Variants in TCF4 observed in about 807,000 individuals in gnomAD.
TCF4 encodes transcription factor 4.
A neutral mutation model predicts 82.1 loss-of-function variants in TCF4; 3 were observed. The ratio of observed to expected loss-of-function variants is 0.04; its 90% CI spans 0.02 to 0.09. TCF4 has a LOEUF of 0.09. Ranked by LOEUF, TCF4 falls within the 10% of genes least tolerant of loss-of-function variation. The pLI is 1.00. For missense variants in TCF4, 518 were observed against 852.7 expected (o/e 0.61, Z 4.89); for synonymous variants, 276 against 309.6 (o/e 0.89, Z 1.14).
In TCF4 at chr18:55,261,543, CA is replaced by C; in HGVS notation, c.923-11del. On this transcript the variant is annotated splice_polypyrimidine_tract_variant and intron_variant, in intron 11 of 19. Transcript: ENST00000354452. Reference sequence around the variant, plus strand: ...CCGCTTCCTCTATTTGCTGCAAAAACAAAAGGCAGAATATGAAAACCAGGCA... The same window carrying C: ...CCGCTTCCTCTATTTGCTGCAAAAACAAAGGCAGAATATGAAAACCAGGCA... 4 of 1,613,850 alleles carry C rather than the reference CA, an allele frequency of 2.5e-6. No individual in the cohort carries two copies. The highest frequency in any genetic ancestry group is 3.4e-6 in the Non-Finnish European group (4 of 1,179,802).
intron 9 of TCF4, among the ~76,000 whole-genome samples, chr18:55,276,541 C>A (rs189468555): frequency 6.6e-6 from 1 of 152,238 alleles, no homozygotes; most frequent in East Asian, 1.9e-4. Context: ...AACATCCCTA[C>A]GGATTTTTTC....
intron 3 of TCF4, among the ~76,000 whole-genome samples, chr18:55,582,014 A>G (rs534578069): frequency 6.6e-6 from 1 of 152,250 alleles, no homozygotes; most frequent in East Asian, 1.9e-4. Flanking sequence ...CTGATCTAAC[A>G]AGTTCTTTAG....
intron 6 of TCF4, among the ~76,000 whole-genome samples, chr18:55,396,215 T>TAA (rs1010648242): frequency 1.3e-5 from 2 of 152,178 alleles, no homozygotes; most frequent in African/African-American, 4.8e-5. Context: ...CAAAACATCT[T>TAA]AGAGTTCAGA....
chr18:55,501,190 A>G (rs559855624), intron 3 of TCF4, among the ~76,000 whole-genome samples: 1 of 152,194 alleles, frequency 6.6e-6, no homozygotes, highest in South Asian at 2.1e-4. Flanking sequence ...CAAAAAAGCC[A>G]TATTTTCATG....
chr18:55,588,494 T>G, upstream of TCF4: 1 of 1,535,272 alleles, frequency 6.5e-7, no homozygotes, highest in Non-Finnish European at 8.7e-7. Flanking sequence ...GATCGTCAGT[T>G]ACAATCTGAA....
upstream of TCF4, chr18:55,589,808 A>C (rs929716234): frequency 1.2e-5 from 12 of 1,008,046 alleles, no homozygotes; most frequent in Non-Finnish European, 1.3e-5. Context: ...GGGCTTATAA[A>C]GAGAAGGAGC....
At chr18:55,427,938 A>G (rs2095053542) in intron 5 of TCF4, among the ~76,000 whole-genome samples, 1 of 152,236 alleles carries the variant, frequency 6.6e-6, no homozygotes, top group Non-Finnish European at 1.5e-5. Context: ...CTCTGTCTTC[A>G]GGAAACTGAT....
At chr18:55,348,708 C>T (rs1195182365) in intron 8 of TCF4, among the ~76,000 whole-genome samples, 7 of 152,182 alleles carry the variant, frequency 4.6e-5, no homozygotes, top group Non-Finnish European at 8.8e-5. Flanking sequence ...TCCAATGCCA[C>T]ACCAATGCAC....
chr18:55,374,231 A>G lies in TCF4; in HGVS notation c.370-23228T>C, dbSNP rs138669216. ...AAATTAAATGAACAAAACATACAAT[A>G]TAAAAAGCTAGAAAAAGTGCAACAT... On this transcript the variant is annotated intron_variant, in intron 6 of 19. Transcript: ENST00000354452. Among the ~76,000 whole-genome samples the G allele has an allele frequency of 3.3e-5, 5 of 152,148 alleles. No individual in the cohort carries two copies. The East Asian group carries it at 9.6e-4, about 29-fold the overall frequency.
intron 6 of TCF4, among the ~76,000 whole-genome samples, chr18:55,355,423 T>C (rs911368876): frequency 2.0e-5 from 3 of 152,182 alleles, no homozygotes; most frequent in Non-Finnish European, 2.9e-5. Context: ...TGTCGAATAG[T>C]TGCTGCTGAA....
At chr18:55,529,424 T>C (rs1421365796) in intron 3 of TCF4, among the ~76,000 whole-genome samples, 2 of 152,180 alleles carry the variant, frequency 1.3e-5, no homozygotes, top group Non-Finnish European at 2.9e-5. Flanking sequence ...AATCTCTGAC[T>C]TTTATTTTTC....
rs116213471 is a variant in TCF4 at position 55,336,393 on chromosome 18, C to A, written c.549+13966G>T. Among the ~76,000 whole-genome samples the A allele has an allele frequency of 2.9e-3, 442 of 152,044 alleles. 4 individuals are homozygous for A. The highest frequency in any genetic ancestry group is 1.0e-2 in the African/African-American group (414 of 41,488). Reference sequence around the variant, plus strand: ...AGGCAAAAGCCCATCAGCTACTAACCATGTGCACGTGGGTCATTTTATGAT... The same window carrying A: ...AGGCAAAAGCCCATCAGCTACTAACAATGTGCACGTGGGTCATTTTATGAT... On this transcript the variant is annotated intron_variant, in intron 8 of 19. Coordinates refer to ENST00000354452, the MANE Select transcript of TCF4 (RefSeq NM_001083962.2).
chr18:55,578,939 A>G (rs1285900683), intron 3 of TCF4, among the ~76,000 whole-genome samples: 1 of 152,008 alleles, frequency 6.6e-6, no homozygotes, highest in East Asian at 1.9e-4. Context: ...ACTTTCTTAC[A>G]GCCCTGAAAT....
At chr18:55,247,355 G>T (rs1161382250) in intron 15 of TCF4, among the ~76,000 whole-genome samples, 2 of 152,154 alleles carry the variant, frequency 1.3e-5, no homozygotes, top group Non-Finnish European at 2.9e-5. Context: ...ACAGGAATCA[G>T]ACTGAGGCTA....
chr18:55,516,884 G>A (rs1295155548), intron 3 of TCF4, among the ~76,000 whole-genome samples: 2 of 152,142 alleles, frequency 1.3e-5, no homozygotes, highest in African/African-American at 4.8e-5. Context: ...TAAATAAGGT[G>A]TAAGGTCAAT....
chr18:55,590,465 A>G (rs924816821), upstream of TCF4, among the ~76,000 whole-genome samples: 3 of 152,248 alleles, frequency 2.0e-5, no homozygotes, highest in African/African-American at 7.2e-5. Flanking sequence ...TTTGTGCCAT[A>G]AGCCACGACT....
intron 5 of TCF4, among the ~76,000 whole-genome samples, chr18:55,421,646 T>C (rs768540863): frequency 3.9e-5 from 6 of 152,202 alleles, no homozygotes; most frequent in Non-Finnish European, 7.3e-5. Context: ...TTCTTAATCA[T>C]TATACAAACC....
intron 2 of TCF4, among the ~76,000 whole-genome samples, chr18:55,608,053 G>A (rs1261291891): frequency 6.6e-6 from 1 of 152,192 alleles, no homozygotes; most frequent in South Asian, 2.1e-4. Context: ...GAAGCTGCGT[G>A]CCACATGCTT....
intron 8 of TCF4, among the ~76,000 whole-genome samples, chr18:55,300,722 G>A (rs1300830507): frequency 6.6e-6 from 1 of 151,976 alleles, no homozygotes; most frequent in Non-Finnish European, 1.5e-5. Flanking sequence ...CCACTCTCGC[G>A]GCACCCTCCT....
Sources: allele counts gnomAD v4.1 joint callset (sites outside exome capture counted in the v4.1 genomes callset), GRCh38; gene constraint gnomAD v4.1.1; transcripts MANE v1.5; gene names NCBI Gene and HGNC (gene_info 2026-07-23, HGNC 2026-07-21).